Variants in OR5A1 observed in about 807,000 individuals in gnomAD.
The protein encoded by OR5A1 is olfactory receptor 5A1.
Under a neutral mutation model 6.7 loss-of-function variants are expected in OR5A1, and 6 were observed. The observed-to-expected ratio is 0.89, with a 90% CI of 0.49 to 1.76. The LOEUF (loss-of-function observed/expected upper bound fraction) is 1.76. Ranked by LOEUF, OR5A1 falls within the 40% of genes most tolerant of loss-of-function variation. The pLI is 0.01. For missense variants in OR5A1, 378 were observed against 381.7 expected (o/e 0.99, Z 0.08); for synonymous variants, 170 against 155.0 (o/e 1.10, Z -0.72).
intron 1 of OR5A1, among the ~76,000 whole-genome samples, chr11:59,441,010 G>T (rs565560221): frequency 3.3e-5 from 5 of 152,118 alleles, no homozygotes; most frequent in Non-Finnish European, 7.3e-5. Context: ...CAATTTCAAG[G>T]GCATCTGTCT....
chr11:59,437,344 T>C (rs1263290422), intron 1 of OR5A1, among the ~76,000 whole-genome samples: 1 of 152,152 alleles, frequency 6.6e-6, no homozygotes, highest in African/African-American at 2.4e-5. Context: ...CCCTTCCCTC[T>C]CCCTGACCCC....
chr11:59,439,741 A>T (rs1419510718), intron 1 of OR5A1, among the ~76,000 whole-genome samples: 1 of 152,202 alleles, frequency 6.6e-6, no homozygotes, highest in Non-Finnish European at 1.5e-5. Context: ...TCCTGATGAC[A>T]ATATTCAAAA....
intron 1 of OR5A1, among the ~76,000 whole-genome samples, chr11:59,441,222 G>A (rs531048875): frequency 1.9e-4 from 29 of 152,006 alleles, no homozygotes; most frequent in Non-Finnish European, 3.5e-4. Flanking sequence ...ATATATACAA[G>A]TTACAAAGGT....
At position 59,443,601 on chromosome 11, in the gene OR5A1, A is replaced by G. The variant is rs199888696; in HGVS notation, c.433A>G (p.Thr145Ala). 7.4e-6 allele frequency: 12 copies of G among 1,613,900 alleles called. No individual in the cohort carries two copies. The African/African-American group carries it at 1.5e-4, about 20-fold the overall frequency. ...YPTIMTQGLC[T>A]RMVVGAYVGG... ...CACTATCATGACCCAGGGCCTCTGT[A>G]CACGCATGGTGGTTGGGGCATATGT... Residue 145 changes from threonine to alanine, a missense_variant, in exon 2 of 2, where the codon ACA becomes GCA. Thr to Ala is a moderately conservative substitution (Grantham distance 58, BLOSUM62 0). Transcript: ENST00000641045.
In OR5A1 at chr11:59,447,006, G is replaced by A. The variant is rs1542329; in HGVS notation, c.*2890G>A. The A allele has an allele frequency of 0.61, 92,018 of 152,018 alleles. 28,815 individuals are homozygous for A. The highest frequency in any genetic ancestry group is 0.75 in the South Asian group (3,596 of 4,822). The allele number at this position is 152,018 out of a possible 1,614,324, so 9.4% of individuals were successfully genotyped here. A position where few individuals can be genotyped will look rare whatever the true frequency, so the allele number is the denominator to read the frequency against. ...AAACGTAGAATGACTCCTACAAATC[G>A]TATATACAGGTACTCAGAGAGAGAG... On this transcript the variant is annotated 3_prime_UTR_variant, in exon 2 of 2. Coordinates refer to ENST00000641045, the MANE Select transcript of OR5A1 (RefSeq NM_001004728.2).
chr11:59,449,420 G>A lies in OR5A1; in HGVS notation c.*5304G>A, dbSNP rs571251834. 1 of 152,146 alleles carries A rather than the reference G, an allele frequency of 6.6e-6. No homozygotes were observed. Among genetic ancestry groups the A allele is most frequent in the Admixed American group, 6.5e-5 (1 of 15,272 alleles). 9.4% of individuals were successfully genotyped at this position (152,146 alleles called of 1,614,324 possible). On this transcript the variant is annotated 3_prime_UTR_variant, in exon 2 of 2. Coordinates refer to ENST00000641045, the MANE Select transcript of OR5A1 (RefSeq NM_001004728.2). ...TGGAAGTATATGTCATCTTGAACTA[G>A]AAGCTTCAGGCTGATTAAGATCTCC...
rs2134539439 is a variant in OR5A1 at position 59,445,398 on chromosome 11, C to T, written c.*1282C>T. On this transcript the variant is annotated 3_prime_UTR_variant, in exon 2 of 2. Coordinates refer to ENST00000641045, the MANE Select transcript of OR5A1 (RefSeq NM_001004728.2). ...TATGTATGTACCATATTTTCTTTAT[C>T]CAGTCTCTCATTGATGGGAATTTGG... 1 of 152,250 alleles carries T rather than the reference C, an allele frequency of 6.6e-6. No homozygotes were observed. The highest frequency in any genetic ancestry group is 2.1e-4 in the South Asian group (1 of 4,830). The allele number at this position is 152,250 out of a possible 1,614,324, so 9.4% of individuals were successfully genotyped here.
chr11:59,450,764 CAT>C lies in OR5A1; in HGVS notation c.*6649_*6650del, dbSNP rs1490244946. ...TAGATATTTTTCCCAAAAATAACAT[CAT>C]GTGACATATTCAGTGTTTTAATCTG... On this transcript the variant is annotated 3_prime_UTR_variant, in exon 2 of 2. Transcript: ENST00000641045. 1 of 152,176 alleles carries C rather than the reference CAT, an allele frequency of 6.6e-6. No individual in the cohort carries two copies. The highest frequency in any genetic ancestry group is 2.4e-5 in the African/African-American group (1 of 41,440). 9.4% of individuals were successfully genotyped at this position (152,176 alleles called of 1,614,324 possible).
Position 59,450,164 on chromosome 11 carries a change from A to T in OR5A1, c.*6048A>T, listed in dbSNP as rs1858600717. The T allele has an allele frequency of 6.6e-6, 1 of 152,210 alleles. No individual in the cohort carries two copies. Among genetic ancestry groups the T allele is most frequent in the Admixed American group, 6.5e-5 (1 of 15,272 alleles). The allele number at this position is 152,210 out of a possible 1,614,324, so 9.4% of individuals were successfully genotyped here. ...AAGGCTGTGCTCTTTTGAACAAGCTAATTCTATGTTCAATCATGCAACCCT... is the reference window on the plus strand; with the variant it reads ...AAGGCTGTGCTCTTTTGAACAAGCTTATTCTATGTTCAATCATGCAACCCT... On this transcript the variant is annotated 3_prime_UTR_variant, in exon 2 of 2. Transcript: ENST00000641045.
In OR5A1 at chr11:59,444,320, A is replaced by AAT; in HGVS notation, c.*205_*206insTA. The AAT allele has an allele frequency of 7.0e-6, 1 of 142,798 alleles. No homozygotes were observed. Among genetic ancestry groups the AAT allele is most frequent in the Non-Finnish European group, 1.3e-5 (1 of 74,204 alleles). 8.8% of individuals were successfully genotyped at this position (142,798 alleles called of 1,614,324 possible). A position where few individuals can be genotyped will look rare whatever the true frequency, so the allele number is the denominator to read the frequency against. On this transcript the variant is annotated 3_prime_UTR_variant, in exon 2 of 2. Transcript: ENST00000641045. ...CCAAAAAGGGAAGGAATTTCTTCAGAAAAAAAAAAAAAAAAAAAAGAACCT... is the reference window on the plus strand; with the variant it reads ...CCAAAAAGGGAAGGAATTTCTTCAGAATAAAAAAAAAAAAAAAAAAAGAACCT...
rs546160054 is a variant in OR5A1 at position 59,450,138 on chromosome 11, G to C, written c.*6022G>C. The stretch of plus-strand genomic sequence containing the variant: ...GTTTAAAATACTGGAACCTGACTTC[G>C]AAGGCTGTGCTCTTTTGAACAAGCT... On this transcript the variant is annotated 3_prime_UTR_variant, in exon 2 of 2. Coordinates refer to ENST00000641045, the MANE Select transcript of OR5A1 (RefSeq NM_001004728.2). 1 of 152,210 alleles carries C rather than the reference G, an allele frequency of 6.6e-6. No homozygotes were observed. The highest frequency in any genetic ancestry group is 2.4e-5 in the African/African-American group (1 of 41,450). The allele number at this position is 152,210 out of a possible 1,614,324, so 9.4% of individuals were successfully genotyped here. A position where few individuals can be genotyped will look rare whatever the true frequency, so the allele number is the denominator to read the frequency against.
At chr11:59,441,564 A>G (rs992957936) in intron 1 of OR5A1, among the ~76,000 whole-genome samples, 1 of 152,234 alleles carries the variant, frequency 6.6e-6, no homozygotes, top group East Asian at 1.9e-4. Flanking sequence ...CCCTCTGACC[A>G]CATTTTTCCT....
chr11:59,443,182 A>T lies in OR5A1; in HGVS notation c.14A>T (p.Lys5Ile). 1.2e-6 allele frequency: 2 copies of T among 1,613,566 alleles called. No homozygotes were observed. Among genetic ancestry groups the T allele is most frequent in the Non-Finnish European group, 1.7e-6 (2 of 1,179,656 alleles). Residue 5 changes from lysine (K) to isoleucine (I), a missense_variant, in exon 2 of 2, where the codon AAA (lysine) becomes ATA (isoleucine). By Grantham distance (102) the Lys-to-Ile change is moderately radical. Transcript: ENST00000641045. Reference sequence around the variant, plus strand: ...TCCACGGGAAGCATGTCCATAACCAAAGCCTGGAACAGCTCATCAGTGACC... The same window carrying T: ...TCCACGGGAAGCATGTCCATAACCATAGCCTGGAACAGCTCATCAGTGACC... MSIT[K>I]AWNSSSVTMF...
At chr11:59,443,045 C>T (rs1858498227) in intron 1 of OR5A1, 91 bp from the exon 2 acceptor site, 1 of 664,334 alleles carries the variant, frequency 1.5e-6, no homozygotes, top group Non-Finnish European at 2.6e-6. Context: ...TTGCATAAAG[C>T]TGTAACCTGT....
rs1858504515 is a variant in OR5A1 at position 59,443,349 on chromosome 11, C to T, written c.181C>T (p.Pro61Ser). ...LIRGDTHLHT[P>S]MYFFLSNLSF... ...CAGAGGTGACACCCATCTGCACACA[C>T]CCATGTACTTCTTCCTAAGCAACTT... The change falls in exon 2 of 2, where the codon CCC (proline) becomes TCC (serine). Residue 61 changes from proline to serine, a missense_variant. Physicochemically the swap from Pro to Ser is moderately conservative, Grantham distance 74 (BLOSUM62 -1). Coordinates refer to ENST00000641045, the MANE Select transcript of OR5A1 (RefSeq NM_001004728.2). 1.2e-6 allele frequency: 2 copies of T among 1,613,922 alleles called. No individual in the cohort carries two copies. Among genetic ancestry groups the T allele is most frequent in the Non-Finnish European group, 1.7e-6 (2 of 1,180,038 alleles).
chr11:59,436,711 T>C lies in OR5A1; in HGVS notation c.-158T>C, dbSNP rs1239727991. Reference sequence around the variant, plus strand: ...CTTGATGAAAAAACCAGCCGCAAGCTCTCTCCAAACTCATTAGCACTTTGG... The same window carrying C: ...CTTGATGAAAAAACCAGCCGCAAGCCCTCTCCAAACTCATTAGCACTTTGG... On this transcript the variant is annotated 5_prime_UTR_variant, in exon 1 of 2. Transcript: ENST00000641045. The C allele has an allele frequency of 6.6e-6, 1 of 152,098 alleles. No individual in the cohort carries two copies. Among genetic ancestry groups the C allele is most frequent in the Admixed American group, 6.6e-5 (1 of 15,230 alleles). The allele number at this position is 152,098 out of a possible 1,614,324, so 9.4% of individuals were successfully genotyped here.
chr11:59,438,895 T>C (rs1233443953), intron 1 of OR5A1, among the ~76,000 whole-genome samples: 1 of 152,168 alleles, frequency 6.6e-6, no homozygotes, highest in Non-Finnish European at 1.5e-5. Flanking sequence ...ATTGTCACCT[T>C]ACATTGAGAG....
rs1168901955 is a variant in OR5A1 at position 59,444,683 on chromosome 11, GA to G, written c.*571del. 1 of 152,558 alleles carries G rather than the reference GA, an allele frequency of 6.6e-6. No individual in the cohort carries two copies. The highest frequency in any genetic ancestry group is 2.4e-5 in the African/African-American group (1 of 41,450). 9.5% of individuals were successfully genotyped at this position (152,558 alleles called of 1,614,324 possible). On this transcript the variant is annotated 3_prime_UTR_variant, in exon 2 of 2. Transcript: ENST00000641045. The stretch of plus-strand genomic sequence containing the variant: ...TTGTTACTGGCATATGGCAGAATCT[GA>G]AAAGATACACTATGTGTAGTTAAGG...
In OR5A1 at chr11:59,444,029, G is replaced by T. The variant is rs544008827; in HGVS notation, c.861G>T (p.Met287Ile). ...TTTTCTATTCATTGGTGATCCCCAT[G>T]CTGAACCCTCTCATTTACAGTTTGA... The part of the protein sequence containing the change: ...VSVFYSLVIP[M>I]LNPLIYSLRN... Residue 287 changes from methionine (M) to isoleucine (I), a missense_variant, in exon 2 of 2, where the codon ATG becomes ATT. Met to Ile is a conservative substitution (Grantham distance 10). Transcript: ENST00000641045. 140 of 1,614,104 alleles carry T rather than the reference G, an allele frequency of 8.7e-5. 3 individuals are homozygous for T. The South Asian group carries it at 1.4e-3, about 17-fold the overall frequency.
Sources: gnomAD v4.1 joint callset for allele counts (sites outside exome capture counted in the v4.1 genomes callset) on GRCh38, gnomAD v4.1.1 for gene constraint, MANE v1.5 for transcripts, NCBI Gene and HGNC (gene_info 2026-07-23, HGNC 2026-07-21) for gene names.